TLL2: variants seen among roughly 807,000 people sequenced by gnomAD.
TLL2 encodes the protein tolloid like 2.
TLL2 carries 106 observed loss-of-function variants against 123.0 expected under a neutral mutation model. The ratio of observed to expected loss-of-function variants is 0.86; its 90% CI spans 0.74 to 1.01. The LOEUF is 1.01. Ranked by LOEUF, TLL2 falls within the 50% of genes least tolerant of loss-of-function variation. The probability of loss-of-function intolerance (pLI) is 0.00; values close to 1 mark genes in which losing one functional copy is unlikely to be tolerated. For synonymous variants in TLL2, 494 were observed against 516.8 expected, an observed-to-expected ratio of 0.96 and a Z score of 0.60; for missense variants, 1,332 against 1,336.7, an observed-to-expected ratio of 1.00 and a Z score of 0.06.
At chr10:96,499,804 C>T (rs997847474) in intron 1 of TLL2, among the ~76,000 whole-genome samples, 11 of 151,934 alleles carry the variant, frequency 7.2e-5, no homozygotes, top group African/African-American at 2.7e-4. Flanking sequence ...GAATAGGAAT[C>T]TCAATTAGCA....
intron 3 of TLL2, among the ~76,000 whole-genome samples, chr10:96,440,349 TGAGCTATTCTAA>T (rs1846839498): frequency 6.6e-6 from 1 of 152,222 alleles, no homozygotes; most frequent in African/African-American, 2.4e-5. Flanking sequence ...AAAGAAGGGA[TGAGCTATTCTAA>T]AAATAAACAG....
intron 1 of TLL2, among the ~76,000 whole-genome samples, chr10:96,490,383 AAG>A (rs2134108969): frequency 6.6e-6 from 1 of 152,302 alleles, no homozygotes; most frequent in South Asian, 2.1e-4. Flanking sequence ...AGCGGAGAAA[AAG>A]AGTACCAAAG....
chr10:96,502,646 G>A (rs931310523), intron 1 of TLL2, among the ~76,000 whole-genome samples: 5 of 152,166 alleles, frequency 3.3e-5, no homozygotes, highest in African/African-American at 1.2e-4. Context: ...GTGAGCCAAG[G>A]AGGACAGGAC....
intron 2 of TLL2, among the ~76,000 whole-genome samples, chr10:96,459,730 A>ATATATATATATATT (rs1463402250): frequency 8.2e-6 from 1 of 121,586 alleles, no homozygotes; most frequent in African/African-American, 2.9e-5. Flanking sequence ...ATATATATAT[A>ATATATATATATATT]TAGCAGCTAA....
chr10:96,388,889 A>G (rs1354649720), intron 13 of TLL2, among the ~76,000 whole-genome samples: 1 of 152,242 alleles, frequency 6.6e-6, no homozygotes, highest in Non-Finnish European at 1.5e-5. Flanking sequence ...CTTGGGCTCA[A>G]TAAAAACTTA....
Position 96,445,900 on chromosome 10 carries a change from G to A in TLL2, c.364+191C>T, listed in dbSNP as rs534776497. ...GGGAGAATGGGAGTGACTGCTTCAT[G>A]AGTACAGAGTCTGCTTTGAGGGTGA... is the stretch of plus-strand genomic sequence containing the variant. On this transcript the variant is annotated intron_variant, in intron 3 of 20. Coordinates refer to ENST00000357947, the MANE Select transcript of TLL2 (RefSeq NM_012465.4). 2.6e-5 allele frequency among the ~76,000 whole-genome samples: 4 copies of A among 152,332 alleles called. No homozygotes were observed. In the South Asian group the frequency reaches 8.3e-4, roughly 32 times the overall value.
rs1291556245 is a variant in TLL2 at position 96,367,423 on chromosome 10, G to GA, written c.*664dup. On this transcript the variant is annotated 3_prime_UTR_variant, in exon 21 of 21. Coordinates refer to ENST00000357947, the MANE Select transcript of TLL2 (RefSeq NM_012465.4). ...TGCCTTAGCCCCCACTGCAATTAGGGAGGGGGGGAAACCAAAGGGACAAGG... is the reference window on the plus strand; with the variant it reads ...TGCCTTAGCCCCCACTGCAATTAGGGAAGGGGGGGAAACCAAAGGGACAAGG... The GA allele has an allele frequency of 6.6e-6, 1 of 152,282 alleles. No homozygotes were observed. The highest frequency in any genetic ancestry group is 1.5e-5 in the Non-Finnish European group (1 of 68,088). The allele number at this position is 152,282 out of a possible 1,614,324, so 9.4% of individuals were successfully genotyped here.
intron 18 of TLL2, chr10:96,374,386 C>G (rs1298905313): frequency 6.3e-6 from 1 of 158,864 alleles, no homozygotes; most frequent in Non-Finnish European, 1.4e-5. Flanking sequence ...ATCTGGTGCT[C>G]TGGCATCAGA....
intron 10 of TLL2, among the ~76,000 whole-genome samples, chr10:96,404,746 G>T (rs536882715): frequency 6.6e-6 from 1 of 152,106 alleles, no homozygotes; most frequent in East Asian, 1.9e-4. Flanking sequence ...ATGCATAAAT[G>T]TATTTTTTAA....
chr10:96,396,202 A>G (rs1846338385), intron 11 of TLL2, among the ~76,000 whole-genome samples, 182 bp from the exon 12 acceptor site: 1 of 151,140 alleles, frequency 6.6e-6, no homozygotes, highest in Admixed American at 6.6e-5. Context: ...TTTGTCTTTA[A>G]CTCTGAATTT....
At chr10:96,505,938 T>C (rs1220585953) in intron 1 of TLL2, among the ~76,000 whole-genome samples, 1 of 152,084 alleles carries the variant, frequency 6.6e-6, no homozygotes, top group Non-Finnish European at 1.5e-5. Flanking sequence ...AGGGACTTGC[T>C]CCAGGTCTCA....
At chr10:96,433,976 T>C (rs1024462843) in intron 3 of TLL2, among the ~76,000 whole-genome samples, 1 of 152,186 alleles carries the variant, frequency 6.6e-6, no homozygotes, top group Non-Finnish European at 1.5e-5. Flanking sequence ...GGTTTCATCA[T>C]GTTGACCAGG....
rs1264250433 is a variant in TLL2 at position 96,513,566 on chromosome 10, G to C, written c.120C>G (p.Asp40Glu). ...GCTGCTGCTCCGTGCCCTCCTCGCC[G>C]TCCAGCTCTGAGTAGTCTGCGGTGG... ...PDATADYSEL[D>E]GEEGTEQQLE... The change falls in exon 1 of 21, where the codon GAC (aspartate) becomes GAG (glutamate). Residue 40 changes from aspartate to glutamate, a missense_variant. Coordinates refer to ENST00000357947, the MANE Select transcript of TLL2 (RefSeq NM_012465.4). The C allele has an allele frequency of 6.2e-7, 1 of 1,611,466 alleles. No homozygotes were observed. Among genetic ancestry groups the C allele is most frequent in the Admixed American group, 1.7e-5 (1 of 60,028 alleles).
At chr10:96,403,287 A>G (rs1846413160) in intron 10 of TLL2, among the ~76,000 whole-genome samples, 1 of 152,174 alleles carries the variant, frequency 6.6e-6, no homozygotes, top group African/African-American at 2.4e-5. Flanking sequence ...AGAAAGAGAG[A>G]TCAGACTGTT....
At chr10:96,384,530 G>C (rs1032653329) in intron 16 of TLL2, 57 bp downstream of exon 16, 32 of 1,463,148 alleles carry the variant, frequency 2.2e-5, no homozygotes, top group Non-Finnish European at 2.0e-5. Context: ...CCAGAGCCTG[G>C]AGTCTGCAAA....
intron 2 of TLL2, among the ~76,000 whole-genome samples, chr10:96,468,906 A>G (rs1423346901): frequency 2.0e-5 from 3 of 152,262 alleles, no homozygotes; most frequent in Non-Finnish European, 2.9e-5. Context: ...GGTATAAGTC[A>G]GCCCCTGAAT....
rs1395773197 is a variant in TLL2, at chr10:96,379,008, T to C, written c.2279A>G (p.Asn760Ser). The C allele has an allele frequency of 3.1e-6, 5 of 1,614,084 alleles. No individual in the cohort carries two copies. The East Asian group carries it at 1.1e-4, about 36-fold the overall frequency. The change falls in exon 17 of 21, where the codon AAC becomes AGC. Residue 760 changes from asparagine (N) to serine (S), a missense_variant. Coordinates refer to ENST00000357947, the MANE Select transcript of TLL2 (RefSeq NM_012465.4). ...CCCATTCTCGTGGAGCCAGTAGCCG[T>C]TTCTGCACCTGCACAGGTAGCTCCC... ...TFGSYLCRCR[N>S]GYWLHENGHD... is the part of the protein sequence containing the mutation.
intron 6 of TLL2, among the ~76,000 whole-genome samples, chr10:96,421,618 C>T (rs749713128): frequency 1.5e-4 from 23 of 151,228 alleles, no homozygotes; most frequent in Non-Finnish European, 2.9e-4. Context: ...GAGCCAAGAT[C>T]GCACCACTGC....
At chr10:96,500,318 A>G (rs1190219482) in intron 1 of TLL2, among the ~76,000 whole-genome samples, 3 of 152,112 alleles carry the variant, frequency 2.0e-5, no homozygotes, top group African/African-American at 7.2e-5. Context: ...CCTGTCTCAA[A>G]ACACAAAAAC....
Sources: allele counts gnomAD v4.1 joint callset (sites outside exome capture counted in the v4.1 genomes callset), GRCh38; gene constraint gnomAD v4.1.1; transcripts MANE v1.5; gene names NCBI Gene and HGNC (gene_info 2026-07-23, HGNC 2026-07-21).